SLC14A2: variants seen among roughly 807,000 people sequenced by gnomAD.
The protein encoded by SLC14A2 is urea transporter 2.
Under a neutral mutation model 104.6 loss-of-function variants are expected in SLC14A2, and 91 were observed. The ratio of observed to expected loss-of-function variants is 0.87; its 90% confidence interval spans 0.73 to 1.04. The LOEUF (loss-of-function observed/expected upper bound fraction) is 1.04. SLC14A2 is among the 50% of genes least tolerant of loss of function. The pLI, the probability that SLC14A2 is intolerant of heterozygous loss-of-function variation, is 0.00. For synonymous variants in SLC14A2, 476 were observed against 466.4 expected, an observed-to-expected ratio of 1.02 and a Z score of -0.27; for missense variants, 1,189 against 1,156.0, an observed-to-expected ratio of 1.03 and a Z score of -0.41.
chr18:45,293,564 G>A (rs920191966), intron 1 of SLC14A2, among the ~76,000 whole-genome samples: 5 of 151,776 alleles, frequency 3.3e-5, no homozygotes, highest in African/African-American at 1.2e-4. Flanking sequence ...AGGGGGCAGT[G>A]AGGGAAAAGT....
At chr18:45,556,193 T>G (rs942343182) in intron 2 of SLC14A2, among the ~76,000 whole-genome samples, 1 of 152,182 alleles carries the variant, frequency 6.6e-6, no homozygotes, top group Non-Finnish European at 1.5e-5. Flanking sequence ...TCATGAGTGC[T>G]TTCCTTCGTT....
intron 1 of SLC14A2, among the ~76,000 whole-genome samples, chr18:45,401,819 CT>C (rs1193596475): frequency 3.3e-5 from 5 of 152,228 alleles, no homozygotes; most frequent in African/African-American, 7.2e-5. Flanking sequence ...GATACACTCC[CT>C]AAGACCACTG....
chr18:45,226,596 A>C (rs1447343401), intron 1 of SLC14A2, among the ~76,000 whole-genome samples: 1 of 146,488 alleles, frequency 6.8e-6, no homozygotes, highest in Non-Finnish European at 1.5e-5. Context: ...GCATGTTCTC[A>C]CTCATAGGTG....
At chr18:45,430,406 T>G (rs2086495594) in intron 1 of SLC14A2, among the ~76,000 whole-genome samples, 1 of 152,110 alleles carries the variant, frequency 6.6e-6, no homozygotes, top group South Asian at 2.1e-4. Context: ...TAAATCAAGT[T>G]GAATAAAGAA....
intron 1 of SLC14A2, among the ~76,000 whole-genome samples, chr18:45,258,659 A>G (rs2144093249): frequency 7.0e-6 from 1 of 143,356 alleles, no homozygotes; most frequent in East Asian, 2.0e-4. Context: ...TGACCATTTT[A>G]ATAATCATCC....
chr18:45,621,988 G>A (rs780449589), intron 1 of SLC14A2, among the ~76,000 whole-genome samples: 10 of 152,174 alleles, frequency 6.6e-5, no homozygotes, highest in Non-Finnish European at 1.3e-4. Flanking sequence ...CCAGCATGGG[G>A]CCTGGAGTCA....
chr18:45,341,591 ATTAC>A (rs2085395650), intron 1 of SLC14A2, among the ~76,000 whole-genome samples: 1 of 98,166 alleles, frequency 1.0e-5, no homozygotes, highest in Non-Finnish European at 2.1e-5. Context: ...ACTGTCTAGT[ATTAC>A]TTTTTTTTTT....
rs115512411 is a variant in SLC14A2, at chr18:45,381,625, C to G, written c.-124-101608C>G. Among the ~76,000 whole-genome samples the G allele has an allele frequency of 3.3e-3, 507 of 152,268 alleles. 3 individuals are homozygous for G. The highest frequency in any genetic ancestry group is 0.012 in the African/African-American group (488 of 41,532). ...TTGATCCAATTATATGGACTATAAG[C>G]TCCTCATAGGAATAGACTGACTGGG... is the stretch of plus-strand genomic sequence containing the variant. On this transcript the variant is annotated intron_variant, in intron 1 of 20. Coordinates refer to the SLC14A2 transcript ENST00000586448.
chr18:45,541,230 C>T (rs773497585), intron 2 of SLC14A2, among the ~76,000 whole-genome samples: 7 of 152,186 alleles, frequency 4.6e-5, no homozygotes, highest in Non-Finnish European at 7.3e-5. Context: ...TGTGTGCACA[C>T]GTGTGCCCCT....
chr18:45,442,427 C>T (rs2086695185), intron 1 of SLC14A2, among the ~76,000 whole-genome samples: 1 of 152,160 alleles, frequency 6.6e-6, no homozygotes, highest in Non-Finnish European at 1.5e-5. Flanking sequence ...TGGTGGTTTG[C>T]TGGCAATCTT....
intron 11 of SLC14A2, among the ~76,000 whole-genome samples, chr18:45,664,978 G>A (rs1372903769): frequency 6.6e-6 from 1 of 152,190 alleles, no homozygotes; most frequent in Non-Finnish European, 1.5e-5. Flanking sequence ...GGCAGGCAGA[G>A]AGGAGCTTCA....
intron 10 of SLC14A2, among the ~76,000 whole-genome samples, chr18:45,657,519 AAAGGAAGG>A (rs5824603): frequency 1.4e-5 from 2 of 144,304 alleles, no homozygotes; most frequent in Non-Finnish European, 3.0e-5. Context: ...GAAAGAAAGA[AAAGGAAGG>A]AAGGAAGGAA....
intron 1 of SLC14A2, among the ~76,000 whole-genome samples, chr18:45,334,660 T>C (rs1216386210): frequency 6.6e-6 from 1 of 152,218 alleles, no homozygotes; most frequent in Non-Finnish European, 1.5e-5. Context: ...TGATCTTTCT[T>C]TTCTTTTATC....
At chr18:45,268,387 A>G (rs2084614278) in intron 1 of SLC14A2, among the ~76,000 whole-genome samples, 1 of 152,226 alleles carries the variant, frequency 6.6e-6, no homozygotes, top group African/African-American at 2.4e-5. Flanking sequence ...GAACTAATAC[A>G]TATAGCAAAA....
chr18:45,351,432 A>G (rs1467552573), intron 1 of SLC14A2, among the ~76,000 whole-genome samples: 1 of 152,090 alleles, frequency 6.6e-6, no homozygotes, highest in African/African-American at 2.4e-5. Flanking sequence ...CTGGCTCACT[A>G]CAGCCTTGAC....
chr18:45,350,009 C>G (rs897277575), intron 1 of SLC14A2, among the ~76,000 whole-genome samples: 1 of 152,152 alleles, frequency 6.6e-6, no homozygotes, highest in African/African-American at 2.4e-5. Flanking sequence ...TTTCTCCAAC[C>G]CCAGGCTTGG....
chr18:45,489,164 C>A (rs1195724576), intron 2 of SLC14A2, among the ~76,000 whole-genome samples: 9 of 152,196 alleles, frequency 5.9e-5, no homozygotes, highest in Non-Finnish European at 1.5e-5. Flanking sequence ...CAAGAACATT[C>A]ATAATAATGG....
At chr18:45,289,503 T>C (rs1311291828) in intron 1 of SLC14A2, among the ~76,000 whole-genome samples, 2 of 152,190 alleles carry the variant, frequency 1.3e-5, no homozygotes, top group Admixed American at 1.3e-4. Flanking sequence ...CTCACAAAGC[T>C]GATAAACTCT....
intron 1 of SLC14A2, among the ~76,000 whole-genome samples, chr18:45,241,360 A>G (rs1430036468): frequency 2.6e-5 from 4 of 152,210 alleles, no homozygotes; most frequent in Non-Finnish European, 5.9e-5. Context: ...GAGAATGAAG[A>G]TTTAGGAGGC....
Sources: gnomAD v4.1 joint callset for allele counts (sites outside exome capture counted in the v4.1 genomes callset) on GRCh38, gnomAD v4.1.1 for gene constraint, MANE v1.5 for transcripts, NCBI Gene and HGNC (gene_info 2026-07-23, HGNC 2026-07-21) for gene names.